Variants in PUS7 observed in about 807,000 individuals in gnomAD.
PUS7 encodes the protein pseudouridine synthase 7.
In PUS7, 48 loss-of-function variants were observed where a neutral mutation model predicts 79.8. That is an observed-to-expected ratio of 0.60 (90% CI 0.48 to 0.76). The LOEUF is 0.76. Among genes scored for constraint, PUS7 ranks in the 30% least tolerant of loss-of-function variants. The pLI is 0.00. For missense variants in PUS7, 729 were observed against 797.6 expected, an observed-to-expected ratio of 0.91 and a Z score of 1.04; for synonymous variants, 286 against 272.2, an observed-to-expected ratio of 1.05 and a Z score of -0.50.
At chr7:105,494,479 G>A (rs1393557229) in intron 6 of PUS7, among the ~76,000 whole-genome samples, 1 of 139,078 alleles carries the variant, frequency 7.2e-6, no homozygotes, top group Non-Finnish European at 1.5e-5. Flanking sequence ...GCACAATCTC[G>A]GCTTACCGCA....
intron 6 of PUS7, among the ~76,000 whole-genome samples, chr7:105,493,663 T>C (rs1366820985): frequency 6.6e-6 from 1 of 152,044 alleles, no homozygotes; most frequent in African/African-American, 2.4e-5. Context: ...ACTAATCCAA[T>C]CTGACTGGTA....
At chr7:105,472,294 G>A (rs543848611) in intron 9 of PUS7, 101 bp from the exon 10 acceptor site, 21 of 700,412 alleles carry the variant, frequency 3.0e-5, no homozygotes, top group African/African-American at 7.3e-5. Flanking sequence ...ACTATACACC[G>A]AAGCCTTGAC....
intron 4 of PUS7, among the ~76,000 whole-genome samples, chr7:105,505,463 T>A (rs1260763972): frequency 6.6e-6 from 1 of 152,208 alleles, no homozygotes; most frequent in East Asian, 1.9e-4. Context: ...AAGAAGCTGC[T>A]GAAGCCAGAA....
intron 1 of PUS7, among the ~76,000 whole-genome samples, chr7:105,517,824 T>C (rs980389485): frequency 5.9e-5 from 9 of 151,832 alleles, no homozygotes; most frequent in African/African-American, 9.7e-5. Context: ...ATGGACAACA[T>C]AGTGGGACCA....
intron 15 of PUS7, among the ~76,000 whole-genome samples, 193 bp downstream of exon 15, chr7:105,458,975 C>T (rs1234509706): frequency 6.6e-6 from 1 of 152,072 alleles, no homozygotes; most frequent in East Asian, 1.9e-4. Flanking sequence ...ATAACATGCA[C>T]TTATTTTCAG....
intron 14 of PUS7, 197 bp downstream of exon 14, chr7:105,462,424 C>G: frequency 1.9e-6 from 1 of 538,648 alleles, no homozygotes; most frequent in Non-Finnish European, 3.1e-6. Flanking sequence ...TAGTGAAACT[C>G]CGTCTCAAAA....
intron 4 of PUS7, among the ~76,000 whole-genome samples, chr7:105,504,574 C>T (rs763104362): frequency 6.6e-6 from 1 of 152,326 alleles, no homozygotes; most frequent in African/African-American, 2.4e-5. Context: ...AATGAGGAAG[C>T]TTGCCCATAG....
intron 1 of PUS7, among the ~76,000 whole-genome samples, chr7:105,511,698 T>G (rs183337701): frequency 6.6e-6 from 1 of 151,398 alleles, no homozygotes; most frequent in Admixed American, 6.6e-5. Context: ...GAGGTAGAGG[T>G]TGCACTGAGT....
intron 1 of PUS7, among the ~76,000 whole-genome samples, chr7:105,521,249 T>A (rs1406886154): frequency 6.6e-6 from 1 of 152,046 alleles, no homozygotes; most frequent in Non-Finnish European, 1.5e-5. Flanking sequence ...GGAGGGAACC[T>A]TAGTAACCCT....
chr7:105,506,406 A>C (rs996319207), intron 2 of PUS7, 133 bp from the exon 3 acceptor site: 4 of 618,008 alleles, frequency 6.5e-6, no homozygotes, highest in Non-Finnish European at 2.8e-6. Flanking sequence ...GTGCAAAATC[A>C]CATGGAGTTA....
chr7:105,505,900 C>A, intron 4 of PUS7, 55 bp downstream of exon 4: 1 of 1,384,096 alleles, frequency 7.2e-7, no homozygotes, highest in Non-Finnish European at 1.0e-6. Flanking sequence ...TTAACATCCA[C>A]CCAAAAAGCA....
intron 14 of PUS7, among the ~76,000 whole-genome samples, chr7:105,460,430 AGAG>A (rs1339635604): frequency 5.9e-5 from 9 of 152,204 alleles, no homozygotes; most frequent in African/African-American, 1.7e-4. Context: ...TATACTCCAG[AGAG>A]GAGGAGGTAA....
rs548648729 is a variant in PUS7 at position 105,481,577 on chromosome 7, C to G, written c.1050-400G>C. Among the ~76,000 whole-genome samples the G allele has an allele frequency of 2.6e-5, 4 of 152,228 alleles. 1 individual carries two copies. In the South Asian group the frequency reaches 6.2e-4, roughly 24 times the overall value. ...ACAATCCTCACCACTATCTACTTCCCAAATTTTTTCCCGTTTCCAAAATGA... is the reference window on the plus strand; with the variant it reads ...ACAATCCTCACCACTATCTACTTCCGAAATTTTTTCCCGTTTCCAAAATGA... On this transcript the variant is annotated intron_variant, in intron 8 of 15. Transcript: ENST00000469408.
In PUS7 at chr7:105,497,063, T is replaced by C. The variant is rs937321314; in HGVS notation, c.731-1810A>G. ...AGAGGTGAACATGCAAATGATCGCA[T>C]GGTTAAGTTTACACTGAGGACTTCT... On this transcript the variant is annotated intron_variant, in intron 5 of 15. Transcript: ENST00000469408. The C allele has an allele frequency of 3.1e-5, 31 of 1,003,234 alleles. No homozygotes were observed. The South Asian group carries it at 6.3e-4, about 20-fold the overall frequency. The allele number at this position is 1,003,234 out of a possible 1,614,324, so 62.1% of individuals were successfully genotyped here. A position where few individuals can be genotyped will look rare whatever the true frequency, so the allele number is the denominator to read the frequency against.
rs934135854 is a variant in PUS7 at position 105,457,800 on chromosome 7, C to G, written c.1976G>C (p.Trp659Ser). 3.7e-6 allele frequency: 6 copies of G among 1,613,742 alleles called. No individual in the cohort carries two copies. Among genetic ancestry groups the G allele is most frequent in the Admixed American group, 1.7e-5 (1 of 59,970 alleles). The stretch of plus-strand genomic sequence containing the variant: ...TGGACAAGGTACTGCTCAGCGAAGC[C>G]AGGTTGTATTCAGCTGCGTCTGGTT... ...IKNQTQLNTT[W>S]LR The change falls in exon 16 of 16, where the codon TGG becomes TCG. Residue 659 changes from tryptophan (W) to serine (S), a missense_variant. By Grantham distance (177) the Trp-to-Ser change is radical. Transcript: ENST00000469408.
intron 1 of PUS7, among the ~76,000 whole-genome samples, chr7:105,510,519 TA>T (rs1256139258): frequency 6.6e-6 from 1 of 152,070 alleles, no homozygotes; most frequent in Non-Finnish European, 1.5e-5. Flanking sequence ...TGGCAAATTT[TA>T]ATTTTTTTTT....
intron 11 of PUS7, among the ~76,000 whole-genome samples, chr7:105,469,353 C>T (rs902653371): frequency 6.6e-6 from 1 of 151,824 alleles, no homozygotes; most frequent in East Asian, 1.9e-4. Flanking sequence ...TGCAATGACA[C>T]GATCTCAGCT....
chr7:105,519,801 T>G lies in PUS7; in HGVS notation c.-33+2251A>C, dbSNP rs1356199076. ...TGAGAGTAAGAGGGGTGTTCTTCAGTGATGCCTCGTCTAAGGAGGAGACTT... is the reference window on the plus strand; with the variant it reads ...TGAGAGTAAGAGGGGTGTTCTTCAGGGATGCCTCGTCTAAGGAGGAGACTT... On this transcript the variant is annotated intron_variant, in intron 1 of 15. Transcript: ENST00000469408. Among the ~76,000 whole-genome samples, 4 of 152,282 alleles carry G rather than the reference T, an allele frequency of 2.6e-5. No individual in the cohort carries two copies. In the East Asian group the frequency reaches 7.7e-4, roughly 29 times the overall value.
At chr7:105,502,703 C>T in intron 4 of PUS7, 139 bp from the exon 5 acceptor site, 1 of 1,000,080 alleles carries the variant, frequency 1.0e-6, no homozygotes, top group Non-Finnish European at 1.5e-6. Flanking sequence ...TTTCAAAAAT[C>T]TTTTATTTTT....
Sources: allele counts gnomAD v4.1 joint callset (sites outside exome capture counted in the v4.1 genomes callset), GRCh38; gene constraint gnomAD v4.1.1; transcripts MANE v1.5; gene names NCBI Gene and HGNC (gene_info 2026-07-23, HGNC 2026-07-21).